Variants in KDM3A observed in about 807,000 individuals in gnomAD.
The protein encoded by KDM3A is lysine-specific demethylase 3A.
A neutral mutation model predicts 158.0 loss-of-function variants in KDM3A; 60 were observed. The ratio of observed to expected loss-of-function variants is 0.38; its 90% CI spans 0.31 to 0.47. The LOEUF is 0.47. Among genes scored for constraint, KDM3A ranks in the 20% least tolerant of loss-of-function variants. The pLI is 0.99. For missense variants in KDM3A, 1,319 were observed against 1,574.3 expected (o/e 0.84, Z 2.74); for synonymous variants, 608 against 549.3 (o/e 1.11, Z -1.49).
intron 5 of KDM3A, 34 bp from the exon 6 acceptor site, chr2:86,456,408 G>A: frequency 7.6e-7 from 1 of 1,316,610 alleles, no homozygotes; most frequent in Non-Finnish European, 1.0e-6. Flanking sequence ...AATGCAAATT[G>A]CTCTAAGATT....
At chr2:86,487,713 G>T in intron 21 of KDM3A, 1 of 152,244 alleles carries the variant, frequency 6.6e-6, no homozygotes, top group Non-Finnish European at 1.5e-5. Context: ...AAAAGTCCAT[G>T]GTGTTTTGTT....
At chr2:86,488,549 C>T (rs764259671) in intron 21 of KDM3A, 3 of 152,284 alleles carry the variant, frequency 2.0e-5, no homozygotes, top group Non-Finnish European at 4.4e-5. Context: ...TATAGCCCCT[C>T]TAAAACCAAA....
intron 22 of KDM3A, 31 bp downstream of exon 22, chr2:86,489,468 C>T (rs761587876): frequency 1.2e-6 from 2 of 1,612,344 alleles, no homozygotes; most frequent in Admixed American, 3.3e-5. Flanking sequence ...GGAGGGCTTA[C>T]TCTTTGAGCC....
intron 9 of KDM3A, among the ~76,000 whole-genome samples, chr2:86,465,594 G>A (rs1673103134): frequency 6.6e-6 from 1 of 151,920 alleles, no homozygotes; most frequent in Non-Finnish European, 1.5e-5. Flanking sequence ...TTTTTGTAGA[G>A]ATGGGGGACT....
At chr2:86,466,296 A>G in intron 9 of KDM3A, 76 bp from the exon 10 acceptor site, 1 of 1,439,002 alleles carries the variant, frequency 6.9e-7, no homozygotes, top group East Asian at 2.3e-5. Flanking sequence ...TTAGGGAACC[A>G]AACAGTTTGT....
chr2:86,466,280 G>A (rs532671334), intron 9 of KDM3A, 92 bp from the exon 10 acceptor site: 14 of 1,310,482 alleles, frequency 1.1e-5, no homozygotes, highest in South Asian at 9.2e-5. Context: ...TTTCATACTC[G>A]TTACCTTAGG....
intron 11 of KDM3A, 34 bp from the exon 12 acceptor site, chr2:86,474,742 T>TGTGTGAAA: frequency 9.2e-7 from 1 of 1,083,116 alleles, no homozygotes; most frequent in Non-Finnish European, 1.4e-6. Flanking sequence ...TGTGTGTGTG[T>TGTGTGAAA]ACATTACATC....
chr2:86,486,671 T>C (rs1462608417), intron 21 of KDM3A, among the ~76,000 whole-genome samples: 1 of 152,200 alleles, frequency 6.6e-6, no homozygotes, highest in Non-Finnish European at 1.5e-5. Context: ...CCTGTGGGTG[T>C]CTTTCTCAAA....
rs1384910339 is a variant in KDM3A at position 86,463,994 on chromosome 2, T to C, written c.844-59T>C. The C allele has an allele frequency of 2.4e-6, 3 of 1,274,864 alleles. No individual in the cohort carries two copies. The African/African-American group carries it at 4.6e-5, about 20-fold the overall frequency. The allele number at this position is 1,274,864 out of a possible 1,614,324, so 79.0% of individuals were successfully genotyped here. Reference sequence around the variant, plus strand: ...GCAAATGATCTTAAATTTGGTAGCATTTTATTATTTCCTAACTAGGGACTT... The same window carrying C: ...GCAAATGATCTTAAATTTGGTAGCACTTTATTATTTCCTAACTAGGGACTT... On this transcript the variant is annotated intron_variant, in intron 8 of 25. Transcript: ENST00000312912.
rs189952278 is a variant in KDM3A at position 86,448,358 on chromosome 2, A to G, written c.187-1449A>G. Among the ~76,000 whole-genome samples the G allele has an allele frequency of 5.6e-4, 86 of 152,322 alleles. 2 individuals carry two copies. The East Asian group carries it at 0.014, about 25-fold the overall frequency. On this transcript the variant is annotated intron_variant, in intron 2 of 25. Transcript: ENST00000312912. Reference sequence around the variant, plus strand: ...GTGAGAGAAACAAGATAGGAACCCAATGCAGAGGGAAATTTATTCATTAAT... The same window carrying G: ...GTGAGAGAAACAAGATAGGAACCCAGTGCAGAGGGAAATTTATTCATTAAT...
At chr2:86,463,488 A>G (rs1485710253) in intron 8 of KDM3A, among the ~76,000 whole-genome samples, 3 of 152,244 alleles carry the variant, frequency 2.0e-5, no homozygotes, top group Non-Finnish European at 4.4e-5. Flanking sequence ...CAGGCCTGTC[A>G]TAACTTGATA....
intron 4 of KDM3A, among the ~76,000 whole-genome samples, chr2:86,452,315 A>G (rs1359380364): frequency 6.6e-6 from 1 of 151,580 alleles, no homozygotes; most frequent in African/African-American, 2.4e-5. Flanking sequence ...CGTCTGAGTT[A>G]TAGTGCTCTT....
intron 16 of KDM3A, 31 bp downstream of exon 16, chr2:86,480,393 T>C: frequency 6.3e-7 from 1 of 1,583,178 alleles, no homozygotes; most frequent in East Asian, 2.3e-5. Context: ...TGTTTGTTCT[T>C]GAGTATTTTA....
chr2:86,459,338 A>T (rs982707258), intron 8 of KDM3A, among the ~76,000 whole-genome samples: 2 of 152,198 alleles, frequency 1.3e-5, no homozygotes, highest in Non-Finnish European at 2.9e-5. Flanking sequence ...GGATATAATA[A>T]TAATTTCTTT....
intron 11 of KDM3A, among the ~76,000 whole-genome samples, chr2:86,473,527 T>C (rs1057225739): frequency 1.3e-5 from 2 of 152,148 alleles, no homozygotes; most frequent in Admixed American, 1.3e-4. Flanking sequence ...GGAGGATCGC[T>C]TGAGCCCAGG....
intron 5 of KDM3A, 47 bp downstream of exon 5, chr2:86,455,234 T>G (rs746061643): frequency 1.9e-6 from 2 of 1,026,680 alleles, no homozygotes; most frequent in Non-Finnish European, 2.9e-6. Flanking sequence ...GACCAATGAT[T>G]AGCTTGTGAG....
chr2:86,454,841 A>G (rs562143584), intron 4 of KDM3A, among the ~76,000 whole-genome samples: 69 of 152,226 alleles, frequency 4.5e-4, no homozygotes, highest in Admixed American at 8.5e-4. Flanking sequence ...GTTCCTCTTA[A>G]TATTTCTCAT....
intron 10 of KDM3A, chr2:86,467,385 AT>A (rs1673200464): frequency 6.5e-6 from 1 of 152,832 alleles, no homozygotes; most frequent in Admixed American, 6.5e-5. Flanking sequence ...AAGATTTGAA[AT>A]TTTAGAAAAG....
intron 17 of KDM3A, 106 bp downstream of exon 17, chr2:86,482,208 T>C: frequency 7.6e-7 from 1 of 1,318,174 alleles, no homozygotes. Context: ...ATCACATACT[T>C]ACCTTTGTGG....
Sources: allele counts gnomAD v4.1 joint callset (sites outside exome capture counted in the v4.1 genomes callset), GRCh38; gene constraint gnomAD v4.1.1; transcripts MANE v1.5; gene names NCBI Gene and HGNC (gene_info 2026-07-23, HGNC 2026-07-21).